Variants in RNF212B observed in about 807,000 individuals in gnomAD.
RNF212B encodes the protein E3 ubiquitin-protein ligase RNF212B.
RNF212B carries 52 observed loss-of-function variants against 55.5 expected under a neutral mutation model. The ratio of observed to expected loss-of-function variants is 0.94; its 90% CI spans 0.75 to 1.18. The LOEUF (loss-of-function observed/expected upper bound fraction) is 1.18. RNF212B is among the 50% of genes most tolerant of loss of function. The pLI is 0.00. For missense variants in RNF212B, 289 were observed against 350.4 expected (o/e 0.82, Z 1.40); for synonymous variants, 99 against 121.4 (o/e 0.82, Z 1.21).
At chr14:23,215,313 TA>T (rs1880959096) in intron 2 of RNF212B, among the ~76,000 whole-genome samples, 2 of 152,198 alleles carry the variant, frequency 1.3e-5, no homozygotes, top group Admixed American at 1.3e-4. Context: ...CTCTTTTCTT[TA>T]TAAATTTCCC....
upstream of RNF212B, among the ~76,000 whole-genome samples, chr14:23,232,943 G>C (rs1193413316): frequency 6.6e-6 from 1 of 152,118 alleles, no homozygotes; most frequent in Non-Finnish European, 1.5e-5. Flanking sequence ...CCATGATGAC[G>C]ATGGTGGTTT....
intron 2 of RNF212B, among the ~76,000 whole-genome samples, chr14:23,211,970 T>A (rs1192054836): frequency 6.6e-6 from 1 of 152,192 alleles, no homozygotes; most frequent in East Asian, 1.9e-4. Context: ...TCAAGTTATC[T>A]GCCCTCCTCA....
chr14:23,215,868 A>T (rs1442929911), intron 2 of RNF212B, among the ~76,000 whole-genome samples: 4 of 152,222 alleles, frequency 2.6e-5, no homozygotes, highest in Non-Finnish European at 5.9e-5. Context: ...TTAGTGAGTT[A>T]TCTAATTATG....
intron 4 of RNF212B, among the ~76,000 whole-genome samples, chr14:23,252,090 T>C (rs1316324978): frequency 2.1e-5 from 3 of 145,706 alleles, no homozygotes; most frequent in African/African-American, 5.4e-5. Flanking sequence ...TTGTCAGGGG[T>C]TGGGGGGCGT....
chr14:23,214,754 A>G (rs1880905970), intron 2 of RNF212B, among the ~76,000 whole-genome samples: 1 of 152,012 alleles, frequency 6.6e-6, no homozygotes, highest in Admixed American at 6.6e-5. Flanking sequence ...CATTTGTGTC[A>G]TTGTAGTCCC....
chr14:23,236,970 T>G (rs1883154635), upstream of RNF212B, among the ~76,000 whole-genome samples: 2 of 148,960 alleles, frequency 1.3e-5, no homozygotes, highest in South Asian at 4.3e-4. Flanking sequence ...TCTTTTTTTT[T>G]TTTTTTTGTT....
intron 14 of RNF212B, among the ~76,000 whole-genome samples, chr14:23,271,274 C>A (rs1386497050): frequency 3.9e-5 from 6 of 151,950 alleles, no homozygotes; most frequent in African/African-American, 1.2e-4. Flanking sequence ...CCCCGTCTCT[C>A]TCTACTGAAA....
rs755552974 is a variant in RNF212B, at chr14:23,228,811, T to G, written c.-1-11534T>G. Among the ~76,000 whole-genome samples the G allele has an allele frequency of 1.3e-5, 2 of 152,174 alleles. 1 individual carries two copies. On this transcript the variant is annotated intron_variant, in intron 2 of 15. Transcript: ENST00000399910. ...TCAATCAGTGGAACAGAATAGAGCATGCAGAAATGGGCTTGAATATGTATA... is the reference window on the plus strand; with the variant it reads ...TCAATCAGTGGAACAGAATAGAGCAGGCAGAAATGGGCTTGAATATGTATA...
intron 2 of RNF212B, among the ~76,000 whole-genome samples, chr14:23,213,888 C>A (rs1423761027): frequency 2.0e-5 from 3 of 152,228 alleles, no homozygotes; most frequent in South Asian, 4.2e-4. Flanking sequence ...ATGGAAAAAA[C>A]CCCAACAGTC....
chr14:23,261,953 G>A (rs1885324932), intron 7 of RNF212B, among the ~76,000 whole-genome samples: 1 of 147,964 alleles, frequency 6.8e-6, no homozygotes, highest in Admixed American at 6.8e-5. Flanking sequence ...GGGTGACAGA[G>A]TGGGACTCTG....
intron 14 of RNF212B, among the ~76,000 whole-genome samples, chr14:23,271,841 T>G (rs1273595187): frequency 6.6e-6 from 1 of 152,204 alleles, no homozygotes; most frequent in Admixed American, 6.5e-5. Flanking sequence ...CATGAGACAG[T>G]TGAACAAAAT....
chr14:23,208,810 GT>G lies in RNF212B; in HGVS notation c.-2+15410del, dbSNP rs1226405627. On this transcript the variant is annotated intron_variant, in intron 2 of 15. Transcript: ENST00000399910. ...GTCTCACTCTGTCGCCCAGGCTGGA[GT>G]GCAATGGCGCGATCTCAGGTCACTG... Among the ~76,000 whole-genome samples the G allele has an allele frequency of 2.3e-3, 276 of 119,696 alleles. 10 individuals carry two copies. The South Asian group carries it at 0.067, about 29-fold the overall frequency. The allele number at this position is 119,696 out of a possible 152,430, so 78.5% of individuals were successfully genotyped here. A position where few individuals can be genotyped will look rare whatever the true frequency, so the allele number is the denominator to read the frequency against.
chr14:23,245,992 A>G (rs1311177885), intron 4 of RNF212B, among the ~76,000 whole-genome samples: 5 of 152,174 alleles, frequency 3.3e-5, no homozygotes, highest in African/African-American at 1.2e-4. Flanking sequence ...ATCTCTACAA[A>G]GACTTAAGGC....
chr14:23,232,491 C>T (rs1353605626), intron 2 of RNF212B, among the ~76,000 whole-genome samples: 38 of 151,584 alleles, frequency 2.5e-4, no homozygotes, highest in African/African-American at 7.3e-4. Context: ...GCCCGGCAGC[C>T]GCCCCGTCTG....
At chr14:23,193,730 G>A (rs1026191533) in intron 2 of RNF212B, among the ~76,000 whole-genome samples, 26 of 141,830 alleles carry the variant, frequency 1.8e-4, no homozygotes, top group Admixed American at 5.3e-4. Flanking sequence ...TCATAATAAC[G>A]CATACCAGTA....
At chr14:23,197,793 T>C (rs74550688) in intron 2 of RNF212B, among the ~76,000 whole-genome samples, 1 of 133,242 alleles carries the variant, frequency 7.5e-6, no homozygotes, top group Non-Finnish European at 1.6e-5. Flanking sequence ...TTTTTTTTTT[T>C]GAGCAACATG....
intron 5 of RNF212B, chr14:23,259,608 C>G (rs965864654): frequency 2.8e-4 from 68 of 245,516 alleles, no homozygotes; most frequent in Non-Finnish European, 3.2e-4. Flanking sequence ...ATCAGCAGGC[C>G]AGGGGTGTGT....
chr14:23,192,787 A>G (rs967592528), intron 1 of RNF212B, among the ~76,000 whole-genome samples: 7 of 152,096 alleles, frequency 4.6e-5, no homozygotes, highest in African/African-American at 1.4e-4. Flanking sequence ...CATAAGACCA[A>G]TTTTTTAAAA....
intron 2 of RNF212B, among the ~76,000 whole-genome samples, chr14:23,225,948 T>C (rs1881963335): frequency 6.6e-6 from 1 of 152,192 alleles, no homozygotes; most frequent in Non-Finnish European, 1.5e-5. Flanking sequence ...ATATCTCATG[T>C]ACCCTGTAAG....
Sources: allele counts gnomAD v4.1 joint callset (sites outside exome capture counted in the v4.1 genomes callset), GRCh38; gene constraint gnomAD v4.1.1; transcripts MANE v1.5; gene names NCBI Gene and HGNC (gene_info 2026-07-23, HGNC 2026-07-21).